SLC2A13: variants seen among roughly 807,000 people sequenced by gnomAD.
SLC2A13 encodes solute carrier family 2 member 13, also known as proton myo-inositol cotransporter.
Under a neutral mutation model 64.4 loss-of-function variants are expected in SLC2A13, and 32 were observed. The observed-to-expected ratio is 0.50, with a 90% confidence interval of 0.37 to 0.67. The LOEUF is 0.67. Ranked by LOEUF, SLC2A13 falls within the 30% of genes least tolerant of loss-of-function variation. The pLI, the probability that SLC2A13 is intolerant of heterozygous loss-of-function variation, is 0.00. For synonymous variants in SLC2A13, 338 were observed against 327.1 expected (o/e 1.03, Z -0.36); for missense variants, 743 against 829.2 (o/e 0.90, Z 1.28).
chr12:39,790,382 C>A (rs1941351336), intron 7 of SLC2A13, among the ~76,000 whole-genome samples: 1 of 126,432 alleles, frequency 7.9e-6, no homozygotes, highest in African/African-American at 3.0e-5. Flanking sequence ...CCCCCCACCC[C>A]ACCACAGTCC....
chr12:39,760,273 T>TA (rs1347899250), intron 9 of SLC2A13, 21 bp from the exon 10 acceptor site: 1 of 1,580,720 alleles, frequency 6.3e-7, no homozygotes. Context: ...ATATAATAGA[T>TA]ACATGAATAT....
intron 7 of SLC2A13, among the ~76,000 whole-genome samples, chr12:39,794,139 A>C (rs1198530880): frequency 2.0e-5 from 3 of 151,330 alleles, no homozygotes; most frequent in Middle Eastern, 3.2e-3. Flanking sequence ...AAAAAAAAAA[A>C]AAAAAAAAAA....
intron 2 of SLC2A13, among the ~76,000 whole-genome samples, chr12:40,031,337 C>T (rs1395293855): frequency 6.6e-6 from 1 of 152,144 alleles, no homozygotes; most frequent in Non-Finnish European, 1.5e-5. Context: ...ATTCTCCTAC[C>T]TCAGCCTCCT....
At chr12:39,943,760 A>T (rs1946083071) in intron 4 of SLC2A13, among the ~76,000 whole-genome samples, 1 of 152,212 alleles carries the variant, frequency 6.6e-6, no homozygotes, top group Non-Finnish European at 1.5e-5. Context: ...GGACTGTGCC[A>T]TGAAGGACAG....
intron 4 of SLC2A13, among the ~76,000 whole-genome samples, chr12:39,938,404 A>T (rs1437365950): frequency 1.5e-5 from 1 of 68,180 alleles, no homozygotes; most frequent in Non-Finnish European, 4.3e-5. Context: ...AAGAAACTTT[A>T]AAAAAAAAAA....
intron 3 of SLC2A13, among the ~76,000 whole-genome samples, chr12:39,956,757 T>G (rs1233882949): frequency 6.6e-6 from 1 of 152,144 alleles, no homozygotes; most frequent in Admixed American, 6.5e-5. Flanking sequence ...TCTTTTTGTT[T>G]TATTTATTTA....
chr12:39,923,206 T>C (rs114856210), intron 4 of SLC2A13, among the ~76,000 whole-genome samples: 1,963 of 152,336 alleles, frequency 0.013, 29 homozygotes, highest in African/African-American at 0.045. Context: ...ACTTGTATCC[T>C]AATGATCATT....
intron 3 of SLC2A13, among the ~76,000 whole-genome samples, chr12:39,974,955 T>G (rs1946735033): frequency 6.6e-6 from 1 of 152,248 alleles, no homozygotes; most frequent in South Asian, 2.1e-4. Flanking sequence ...CTTTTATGTA[T>G]TATAAAACTA....
In SLC2A13 at chr12:39,928,124, G is replaced by A. The variant is rs1945759555; in HGVS notation, c.1034+23133C>T. On this transcript the variant is annotated intron_variant, in intron 4 of 9. Coordinates refer to ENST00000280871, the MANE Select transcript of SLC2A13 (RefSeq NM_052885.4). Reference sequence around the variant, plus strand: ...TCCTATAGCAACATTATTTTGAAAAGGGAAAAATGTTTTACTTGAATAATA... The same window carrying A: ...TCCTATAGCAACATTATTTTGAAAAAGGAAAAATGTTTTACTTGAATAATA... Among the ~76,000 whole-genome samples, 3 of 151,894 alleles carry A rather than the reference G, an allele frequency of 2.0e-5. No homozygotes were observed. In the South Asian group the frequency reaches 6.2e-4, roughly 32 times the overall value.
chr12:39,965,543 A>G (rs933820892), intron 3 of SLC2A13, among the ~76,000 whole-genome samples: 5 of 152,206 alleles, frequency 3.3e-5, no homozygotes, highest in African/African-American at 1.2e-4. Context: ...TTTACGTACC[A>G]AGAAACCAAA....
intron 6 of SLC2A13, among the ~76,000 whole-genome samples, chr12:39,864,023 G>A (rs969161988): frequency 6.6e-6 from 1 of 152,146 alleles, no homozygotes; most frequent in Non-Finnish European, 1.5e-5. Context: ...GTTTTAAAGG[G>A]ATTGCTAGAC....
At chr12:39,841,116 G>A (rs1193059254) in intron 6 of SLC2A13, among the ~76,000 whole-genome samples, 1 of 152,070 alleles carries the variant, frequency 6.6e-6, no homozygotes, top group Non-Finnish European at 1.5e-5. Context: ...TTGAGGCTAA[G>A]ATTCAACTGA....
intron 4 of SLC2A13, among the ~76,000 whole-genome samples, chr12:39,887,480 C>T (rs1944497069): frequency 6.6e-6 from 1 of 152,118 alleles, no homozygotes; most frequent in Non-Finnish European, 1.5e-5. Context: ...AAAAAAGGGA[C>T]TTTTCACAAC....
chr12:40,056,744 G>C (rs1258137872), intron 1 of SLC2A13, among the ~76,000 whole-genome samples: 1 of 152,144 alleles, frequency 6.6e-6, no homozygotes, highest in Non-Finnish European at 1.5e-5. Context: ...CTAGAATTTA[G>C]CTATAGAAAT....
chr12:39,784,432 C>A (rs1440092768), intron 7 of SLC2A13, among the ~76,000 whole-genome samples: 5 of 152,146 alleles, frequency 3.3e-5, no homozygotes, highest in Non-Finnish European at 7.3e-5. Flanking sequence ...ACATCTACAA[C>A]CATCTGATCT....
At chr12:39,796,349 G>GT (rs1941575091) in intron 7 of SLC2A13, among the ~76,000 whole-genome samples, 1 of 150,780 alleles carries the variant, frequency 6.6e-6, no homozygotes. Flanking sequence ...CAGCTACTTG[G>GT]TAGGCTGAAC....
chr12:39,785,344 G>A (rs1030305253), intron 7 of SLC2A13, among the ~76,000 whole-genome samples: 1 of 152,224 alleles, frequency 6.6e-6, no homozygotes, highest in Admixed American at 6.5e-5. Context: ...GAGAGTGGAA[G>A]CCCTAAGCCT....
chr12:39,970,122 T>G (rs11174536), intron 3 of SLC2A13, among the ~76,000 whole-genome samples: 15,279 of 152,252 alleles, frequency 0.1, 978 homozygotes, highest in Non-Finnish European at 0.13. Context: ...ATGTGTGGTA[T>G]TATTTCTGAG....
At chr12:39,805,070 C>A (rs1170112129) in intron 7 of SLC2A13, among the ~76,000 whole-genome samples, 1 of 152,182 alleles carries the variant, frequency 6.6e-6, no homozygotes, top group Non-Finnish European at 1.5e-5. Context: ...GAGAAGCCTG[C>A]TGGGCAGGCA....
Sources: allele counts gnomAD v4.1 joint callset (sites outside exome capture counted in the v4.1 genomes callset), GRCh38; gene constraint gnomAD v4.1.1; transcripts MANE v1.5; gene names NCBI Gene and HGNC (gene_info 2026-07-23, HGNC 2026-07-21).